ALX4: variants seen among roughly 807,000 people sequenced by gnomAD.
ALX4 encodes ALX homeobox 4.
Under a neutral mutation model 40.6 loss-of-function variants are expected in ALX4, and 22 were observed. The observed-to-expected ratio is 0.54, with a 90% CI of 0.39 to 0.77. The LOEUF is 0.77. Among genes scored for constraint, ALX4 ranks in the 30% least tolerant of loss-of-function variants. ALX4 has a pLI of 0.00. For missense variants in ALX4, 556 were observed against 564.8 expected (o/e 0.98, Z 0.16); for synonymous variants, 266 against 240.5 (o/e 1.11, Z -0.98).
At chr11:44,308,889 G>A (rs1956485340) in intron 1 of ALX4, among the ~76,000 whole-genome samples, 1 of 152,228 alleles carries the variant, frequency 6.6e-6, no homozygotes, top group Non-Finnish European at 1.5e-5. Flanking sequence ...GAAGCTCCAG[G>A]GGAACTGGCC....
chr11:44,301,538 C>CA (rs1256489813), intron 1 of ALX4, among the ~76,000 whole-genome samples: 10 of 152,222 alleles, frequency 6.6e-5, no homozygotes, highest in Non-Finnish European at 1.5e-5. Flanking sequence ...CTCTAATGCC[C>CA]AGGAGCTCAT....
In ALX4 at chr11:44,261,537, C is replaced by T. The variant is rs1463316635; in HGVS notation, c.*3317G>A. The T allele has an allele frequency of 2.6e-5, 4 of 152,220 alleles. No homozygotes were observed. The highest frequency in any genetic ancestry group is 5.9e-5 in the Non-Finnish European group (4 of 68,046). 9.4% of individuals were successfully genotyped at this position (152,220 alleles called of 1,614,324 possible). On this transcript the variant is annotated 3_prime_UTR_variant, in exon 4 of 4. Transcript: ENST00000652299. ...CAAGGAAAGTTCTAAAAGCCCATGT[C>T]CTCCAAGTGCTATTTCAGCCTTGGA...
intron 1 of ALX4, among the ~76,000 whole-genome samples, chr11:44,280,422 C>T (rs1331023578): frequency 6.6e-6 from 1 of 152,200 alleles, no homozygotes; most frequent in East Asian, 1.9e-4. Context: ...AGCCTTGGGG[C>T]ACCTCGTGCT....
intron 1 of ALX4, among the ~76,000 whole-genome samples, chr11:44,301,758 C>G (rs567837929): frequency 6.6e-6 from 1 of 152,060 alleles, no homozygotes; most frequent in South Asian, 2.1e-4. Context: ...TGCCCTCCTA[C>G]TAACCTGGCT....
intron 1 of ALX4, among the ~76,000 whole-genome samples, chr11:44,277,832 G>A (rs574654917): frequency 5.9e-5 from 9 of 152,292 alleles, no homozygotes; most frequent in East Asian, 1.9e-4. Context: ...CAGTGCAGAC[G>A]CCATGGGGGT....
intron 2 of ALX4, among the ~76,000 whole-genome samples, chr11:44,268,073 T>C (rs1405157885): frequency 1.3e-5 from 2 of 152,218 alleles, no homozygotes; most frequent in Non-Finnish European, 2.9e-5. Context: ...TAAGGCTTAT[T>C]GGTCCAGATT....
chr11:44,269,481 C>T (rs1956232526), intron 2 of ALX4, among the ~76,000 whole-genome samples: 1 of 152,246 alleles, frequency 6.6e-6, no homozygotes, highest in South Asian at 2.1e-4. Flanking sequence ...TGTACCAACT[C>T]ACTTTCCCCT....
At chr11:44,274,698 T>C (rs1206711273) in intron 2 of ALX4, among the ~76,000 whole-genome samples, 1 of 152,096 alleles carries the variant, frequency 6.6e-6, no homozygotes, top group Non-Finnish European at 1.5e-5. Flanking sequence ...TTGAGTTGAG[T>C]TCTATTGGGT....
Position 44,310,044 on chromosome 11 carries a change from C to G in ALX4, c.19G>C (p.Val7Leu), listed in dbSNP as rs281865153. Residue 7 changes from valine to leucine, a missense_variant, in exon 1 of 4, where the codon GTC (valine) becomes CTC (leucine). By Grantham distance (32) the Val-to-Leu change is conservative. Coordinates refer to ENST00000652299, the MANE Select transcript of ALX4 (RefSeq NM_021926.4). ...GCGGCCGGCGACTCGCAGTAAGAGA[C>G]GCAAGTCTCAGCATTCATGCCTGGC... The part of the protein sequence containing the change: MNAETC[V>L]SYCESPAAAM... The G allele has an allele frequency of 1.3e-6, 2 of 1,599,186 alleles. No homozygotes were observed. Among genetic ancestry groups the G allele is most frequent in the African/African-American group, 1.3e-5 (1 of 74,834 alleles).
chr11:44,281,553 C>T (rs1956310394), intron 1 of ALX4, among the ~76,000 whole-genome samples: 1 of 151,956 alleles, frequency 6.6e-6, no homozygotes, highest in South Asian at 2.1e-4. Flanking sequence ...GTGAGCTGGC[C>T]CCACACACCC....
At position 44,271,456 on chromosome 11, in the gene ALX4, C is replaced by T. The variant is rs533887914; in HGVS notation, c.778-3834G>A. Among the ~76,000 whole-genome samples the T allele has an allele frequency of 8.5e-5, 13 of 152,310 alleles. No individual in the cohort carries two copies. The South Asian group carries it at 2.3e-3, about 27-fold the overall frequency. ...GGTGATCATTTCCAGCACTACCGTT[C>T]TATAGTTCTGTGGTCCTCCCACTAG... On this transcript the variant is annotated intron_variant, in intron 2 of 3. Transcript: ENST00000652299.
intron 1 of ALX4, 22 bp downstream of exon 1, chr11:44,309,575 G>C (rs1372261201): frequency 6.4e-7 from 1 of 1,562,826 alleles, no homozygotes; most frequent in African/African-American, 1.4e-5. Flanking sequence ...CCCAGCACCA[G>C]GTGACCCGCA....
In ALX4 at chr11:44,278,787, C is replaced by T. The variant is rs546150396; in HGVS notation, c.467-3129G>A. On this transcript the variant is annotated intron_variant, in intron 1 of 3. Transcript: ENST00000652299. ...AGCGGGGTAGTTGAGGGTCCCTCCT[C>T]CCTTGCTCACCAGCAGCCAGGACTG... Among the ~76,000 whole-genome samples the T allele has an allele frequency of 2.0e-5, 3 of 152,318 alleles. No homozygotes were observed. The South Asian group carries it at 6.2e-4, about 32-fold the overall frequency.
chr11:44,301,847 G>A (rs1956436417), intron 1 of ALX4, among the ~76,000 whole-genome samples: 1 of 152,188 alleles, frequency 6.6e-6, no homozygotes. Context: ...CAGTGCCAAG[G>A]ACACGTCTCT....
intron 2 of ALX4, among the ~76,000 whole-genome samples, chr11:44,273,038 T>G (rs144167981): frequency 2.6e-5 from 4 of 152,306 alleles, no homozygotes; most frequent in Non-Finnish European, 4.4e-5. Context: ...AACTGATGAA[T>G]CTTTTACTGA....
At chr11:44,266,496 G>C (rs958568047) in intron 3 of ALX4, among the ~76,000 whole-genome samples, 18 of 152,224 alleles carry the variant, frequency 1.2e-4, no homozygotes, top group African/African-American at 4.1e-4. Context: ...ATCCTGGGCT[G>C]GGGGAGAGGG....
At chr11:44,290,922 T>C (rs1956365100) in intron 1 of ALX4, among the ~76,000 whole-genome samples, 1 of 152,170 alleles carries the variant, frequency 6.6e-6, no homozygotes, top group African/African-American at 2.4e-5. Context: ...TGCCATGATA[T>C]ATTAACACAG....
At chr11:44,301,775 G>T (rs1195779657) in intron 1 of ALX4, among the ~76,000 whole-genome samples, 2 of 152,186 alleles carry the variant, frequency 1.3e-5, no homozygotes, top group Non-Finnish European at 2.9e-5. Context: ...GGCTGTGGGG[G>T]TCCATTTCCC....
intron 2 of ALX4, among the ~76,000 whole-genome samples, chr11:44,268,668 C>T (rs1956227253): frequency 6.6e-6 from 1 of 152,180 alleles, no homozygotes; most frequent in Non-Finnish European, 1.5e-5. Context: ...TGCCCTACCC[C>T]TGGCCCATGA....
Sources: gnomAD v4.1 joint callset for allele counts (sites outside exome capture counted in the v4.1 genomes callset) on GRCh38, gnomAD v4.1.1 for gene constraint, MANE v1.5 for transcripts, NCBI Gene and HGNC (gene_info 2026-07-23, HGNC 2026-07-21) for gene names.